Variants in SNX29 observed in about 807,000 individuals in gnomAD.
SNX29 encodes sorting nexin-29.
In SNX29, 78 loss-of-function variants were observed where a neutral mutation model predicts 102.1. The observed-to-expected ratio is 0.76, with a 90% CI of 0.64 to 0.92. The LOEUF (loss-of-function observed/expected upper bound fraction) is 0.92, where lower values mean the gene tolerates loss of function less well. Among genes scored for constraint, SNX29 ranks in the 40% least tolerant of loss-of-function variants. The probability of loss-of-function intolerance (pLI) is 0.00; values close to 1 mark genes in which losing one functional copy is unlikely to be tolerated. For synonymous variants in SNX29, 580 were observed against 414.5 expected (o/e 1.40, Z -4.85); for missense variants, 1,280 against 1,061.7 (o/e 1.21, Z -2.86).
At chr16:12,172,373 C>T (rs968929991) in intron 13 of SNX29, among the ~76,000 whole-genome samples, 5 of 152,124 alleles carry the variant, frequency 3.3e-5, no homozygotes, top group African/African-American at 1.2e-4. Flanking sequence ...TTTTACTCTT[C>T]TGCTGGGTGG....
intron 16 of SNX29, among the ~76,000 whole-genome samples, chr16:12,380,382 AC>A (rs2083035723): frequency 1.8e-5 from 1 of 54,604 alleles, no homozygotes; most frequent in Non-Finnish European, 3.4e-5. Context: ...TTATCCACCC[AC>A]CCACCCACCC....
chr16:12,412,143 C>T (rs768939299), intron 18 of SNX29, among the ~76,000 whole-genome samples: 4 of 152,208 alleles, frequency 2.6e-5, no homozygotes, highest in Non-Finnish European at 5.9e-5. Flanking sequence ...AGCCGGCCAT[C>T]GGGTAGGACG....
intron 10 of SNX29, among the ~76,000 whole-genome samples, chr16:12,075,993 A>G (rs61655532): frequency 0.22 from 32,839 of 152,172 alleles, 3,977 homozygotes; most frequent in African/African-American, 0.33. Context: ...TAATCTCCTC[A>G]CGCGCTGTTT....
At chr16:12,065,064 G>C (rs138516620) in intron 9 of SNX29, among the ~76,000 whole-genome samples, 102 of 152,338 alleles carry the variant, frequency 6.7e-4, no homozygotes, top group Non-Finnish European at 1.3e-3. Context: ...TGTTGGGAGG[G>C]AGAAAGGAGC....
intron 13 of SNX29, among the ~76,000 whole-genome samples, chr16:12,135,059 G>C (rs2054610776): frequency 1.3e-5 from 2 of 152,176 alleles, no homozygotes; most frequent in Non-Finnish European, 2.9e-5. Context: ...CAGGGGAAGA[G>C]CCATGTCCCA....
chr16:12,362,109 G>A lies in SNX29; in HGVS notation c.1899+5830G>A, dbSNP rs755405984. On this transcript the variant is annotated intron_variant, in intron 16 of 20. Coordinates refer to ENST00000566228, the MANE Select transcript of SNX29 (RefSeq NM_032167.5). ...TAGAGATCTTCTAATTTTACTTCAC[G>A]AGTAGAATTGTTGTTCATTTTAAGA... 2.4e-4 allele frequency among the ~76,000 whole-genome samples: 36 copies of A among 152,172 alleles called. 1 individual carries two copies. The highest frequency in any genetic ancestry group is 4.6e-4 in the Admixed American group (7 of 15,286).
At position 12,242,347 on chromosome 16, in the gene SNX29, A is replaced by G. The variant is rs543574387; in HGVS notation, c.1679-35586A>G. On this transcript the variant is annotated intron_variant, in intron 14 of 20. Transcript: ENST00000566228. ...TTCTCATAGGAGAATCTAATTATAT[A>G]TAATAATATATATATATATATTTTT... 2.9e-5 allele frequency among the ~76,000 whole-genome samples: 4 copies of G among 139,356 alleles called. No homozygotes were observed. The South Asian group carries it at 8.7e-4, about 30-fold the overall frequency. The allele number at this position is 139,356 out of a possible 152,430, so 91.4% of individuals were successfully genotyped here.
At chr16:12,543,889 G>A (rs551088882) in intron 20 of SNX29, among the ~76,000 whole-genome samples, 33 of 152,300 alleles carry the variant, frequency 2.2e-4, no homozygotes, top group Admixed American at 1.0e-3. Flanking sequence ...AAGAGCTTGC[G>A]TATTCCTTCA....
At chr16:12,187,076 T>A (rs940484456) in intron 13 of SNX29, among the ~76,000 whole-genome samples, 1 of 152,236 alleles carries the variant, frequency 6.6e-6, no homozygotes, top group African/African-American at 2.4e-5. Context: ...CACCTGCTCT[T>A]GAAGAGTTGG....
chr16:12,452,728 A>G (rs1220301530), intron 18 of SNX29, among the ~76,000 whole-genome samples: 5 of 152,080 alleles, frequency 3.3e-5, no homozygotes, highest in Non-Finnish European at 7.4e-5. Flanking sequence ...GTGAGGTCAC[A>G]TGGGCCCATG....
At chr16:12,018,167 T>C (rs1368602093) in intron 3 of SNX29, among the ~76,000 whole-genome samples, 2 of 152,196 alleles carry the variant, frequency 1.3e-5, no homozygotes, top group African/African-American at 2.4e-5. Context: ...ATGTTTTGAG[T>C]TTAATAAGTC....
intron 2 of SNX29, among the ~76,000 whole-genome samples, chr16:12,002,370 C>T (rs939549221): frequency 2.6e-5 from 4 of 151,730 alleles, no homozygotes; most frequent in East Asian, 1.9e-4. Flanking sequence ...ATGGCTTGAA[C>T]CCGGGAGGCA....
chr16:12,349,521 T>C, intron 15 of SNX29, among the ~76,000 whole-genome samples: 1 of 152,240 alleles, frequency 6.6e-6, no homozygotes, highest in South Asian at 2.1e-4. Flanking sequence ...AGTGCTGACA[T>C]AATGCTCAAA....
chr16:12,317,826 G>A (rs1275427567), intron 15 of SNX29, among the ~76,000 whole-genome samples: 1 of 152,238 alleles, frequency 6.6e-6, no homozygotes, highest in Non-Finnish European at 1.5e-5. Context: ...GCAAAATGGT[G>A]ATGCTAATGA....
In SNX29 at chr16:12,550,369, T is replaced by A. The variant is rs576663767; in HGVS notation, c.2319-18137T>A. ...AGCCAACAAGAGGAAAACCCATCTCTACTAAAAATCCAAAAATTAGCCAGG... is the reference window on the plus strand; with the variant it reads ...AGCCAACAAGAGGAAAACCCATCTCAACTAAAAATCCAAAAATTAGCCAGG... On this transcript the variant is annotated intron_variant, in intron 20 of 20. Coordinates refer to ENST00000566228, the MANE Select transcript of SNX29 (RefSeq NM_032167.5). Among the ~76,000 whole-genome samples the A allele has an allele frequency of 7.2e-5, 11 of 152,198 alleles. No individual in the cohort carries two copies. In the South Asian group the frequency reaches 2.3e-3, roughly 32 times the overall value.
chr16:12,183,978 C>T (rs1258493362), intron 13 of SNX29, among the ~76,000 whole-genome samples: 1 of 152,200 alleles, frequency 6.6e-6, no homozygotes, highest in African/African-American at 2.4e-5. Context: ...GTGTTTAGCA[C>T]GTTATCAAAA....
In SNX29 at chr16:12,069,065, C is replaced by T. The variant is rs1055002162; in HGVS notation, c.1252C>T (p.Leu418Phe). 6.2e-7 allele frequency: 1 copy of T among 1,613,894 alleles called. No individual in the cohort carries two copies. Among genetic ancestry groups the T allele is most frequent in the Non-Finnish European group, 8.5e-7 (1 of 1,179,820 alleles). The change falls in exon 10 of 21, where the codon CTC becomes TTC. Residue 418 changes from leucine to phenylalanine, a missense_variant. Transcript: ENST00000566228. ...TTGCTCTCTCTGCACAGATGCCCCC[C>T]TCGGAAGCCTGGAGAACGGGACAGG... ...VGSYSPADAP[L>F]GSLENGTGPE...
At chr16:12,028,681 T>TA (rs948541301) in intron 4 of SNX29, among the ~76,000 whole-genome samples, 1 of 152,048 alleles carries the variant, frequency 6.6e-6, no homozygotes, top group African/African-American at 2.4e-5. Context: ...TTCTTTTTTT[T>TA]AAAAAAATTA....
In SNX29 at chr16:12,572,518, C is replaced by T. The variant is rs562991536; in HGVS notation, c.*3889C>T. On this transcript the variant is annotated 3_prime_UTR_variant, in exon 21 of 21. Transcript: ENST00000566228. ...GGCCTCGGCCTTCCTGCTCCACGTGCTCAAGCCCCCACAGGGGGCTGCGAC... is the reference window on the plus strand; with the variant it reads ...GGCCTCGGCCTTCCTGCTCCACGTGTTCAAGCCCCCACAGGGGGCTGCGAC... 8 of 1,064,208 alleles carry T rather than the reference C, an allele frequency of 7.5e-6. No homozygotes were observed. The highest frequency in any genetic ancestry group is 9.1e-6 in the Non-Finnish European group (8 of 878,576). The allele number at this position is 1,064,208 out of a possible 1,614,324, so 65.9% of individuals were successfully genotyped here. A position where few individuals can be genotyped will look rare whatever the true frequency, so the allele number is the denominator to read the frequency against.
Sources: gnomAD v4.1 joint callset for allele counts (sites outside exome capture counted in the v4.1 genomes callset) on GRCh38, gnomAD v4.1.1 for gene constraint, MANE v1.5 for transcripts, NCBI Gene and HGNC (gene_info 2026-07-23, HGNC 2026-07-21) for gene names.